CCN4: variants seen among roughly 807,000 people sequenced by gnomAD.
CCN4 encodes the protein cellular communication network factor 4, also known as CCN family member 4.
Under a neutral mutation model 36.7 loss-of-function variants are expected in CCN4, and 30 were observed. The ratio of observed to expected loss-of-function variants is 0.82; its 90% CI spans 0.61 to 1.11. The LOEUF (loss-of-function observed/expected upper bound fraction) is 1.11. CCN4 is among the 50% of genes least tolerant of loss of function. The probability of loss-of-function intolerance (pLI) is 0.00; values close to 1 mark genes in which losing one functional copy is unlikely to be tolerated. For synonymous variants in CCN4, 191 were observed against 195.4 expected, an observed-to-expected ratio of 0.98 and a Z score of 0.19; for missense variants, 505 against 504.9, an observed-to-expected ratio of 1.00 and a Z score of 0.00.
chr8:133,214,969 GA>G (rs1487526574), intron 2 of CCN4, among the ~76,000 whole-genome samples: 1 of 152,188 alleles, frequency 6.6e-6, no homozygotes, highest in Admixed American at 6.5e-5. Context: ...GTTAATTTAT[GA>G]CAGTTTCTTC....
At position 133,225,411 on chromosome 8, in the gene CCN4, C is replaced by T. The variant is rs1167320091; in HGVS notation, c.632C>T (p.Ala211Val). The change falls in exon 4 of 5, where the codon GCA becomes GTA. Residue 211 changes from alanine (A) to valine (V), a missense_variant. Physicochemically the swap from Ala to Val is moderately conservative, Grantham distance 64 (BLOSUM62 0). Coordinates refer to ENST00000250160, the MANE Select transcript of CCN4 (RefSeq NM_003882.4). ...GAFDAVGEVE[A>V]WHRNCIAYTS... ...ACAGATGCTGTGGGTGAGGTGGAGG[C>T]ATGGCACAGGAACTGCATAGCCTAC... is the stretch of plus-strand genomic sequence containing the variant. 1.2e-6 allele frequency: 2 copies of T among 1,605,056 alleles called. No homozygotes were observed. The highest frequency in any genetic ancestry group is 1.7e-6 in the Non-Finnish European group (2 of 1,174,074).
chr8:133,206,476 C>A (rs1413436572), intron 1 of CCN4, among the ~76,000 whole-genome samples: 6 of 152,208 alleles, frequency 3.9e-5, no homozygotes, highest in African/African-American at 1.4e-4. Context: ...TGAGATGCTT[C>A]CCCCACTCCT....
intron 2 of CCN4, among the ~76,000 whole-genome samples, chr8:133,216,931 T>A (rs530785842): frequency 6.6e-6 from 1 of 152,316 alleles, no homozygotes; most frequent in South Asian, 2.1e-4. Flanking sequence ...CGGCCACCTT[T>A]AGAGGAGGGA....
chr8:133,217,123 CAAAG>C (rs1854346153), intron 2 of CCN4, among the ~76,000 whole-genome samples: 1 of 152,234 alleles, frequency 6.6e-6, no homozygotes, highest in Non-Finnish European at 1.5e-5. Flanking sequence ...GAAAATGTGA[CAAAG>C]AAAGTTTATA....
Position 133,220,790 on chromosome 8 carries a change from G to A in CCN4, c.559G>A (p.Asp187Asn), listed in dbSNP as rs1384442672. 6.2e-7 allele frequency: 1 copy of A among 1,611,576 alleles called. No homozygotes were observed. Among genetic ancestry groups the A allele is most frequent in the South Asian group, 1.1e-5 (1 of 91,002 alleles). Residue 187 changes from aspartate to asparagine, a missense_variant, in exon 3 of 5, where the codon GAC becomes AAC. Transcript: ENST00000250160. ...GHCCEQWVCE[D>N]DAKRPRKTAP... ...CTGCTGTGAGCAGTGGGTATGTGAG[G>A]ACGACGCCAAGAGGCCACGCAAGAC...
At chr8:133,193,217 C>T (rs1853179599) in intron 1 of CCN4, among the ~76,000 whole-genome samples, 1 of 152,188 alleles carries the variant, frequency 6.6e-6, no homozygotes, top group South Asian at 2.1e-4. Context: ...CAACCAGGGT[C>T]TCAGTGAGAT....
In CCN4 at chr8:133,213,272, A is replaced by G. The variant is rs1384029962; in HGVS notation, c.349+129A>G. ...TTCCGTTCAGCAGGAGATACACCCC[A>G]TGATCAGAGGCCAGAGGCTGGGTCC... On this transcript the variant is annotated intron_variant, in intron 2 of 4. Coordinates refer to ENST00000250160, the MANE Select transcript of CCN4 (RefSeq NM_003882.4). 7.8e-6 allele frequency: 9 copies of G among 1,150,810 alleles called. No homozygotes were observed. In the East Asian group the frequency reaches 9.8e-5, roughly 13 times the overall value. The allele number at this position is 1,150,810 out of a possible 1,614,324, so 71.3% of individuals were successfully genotyped here.
intron 3 of CCN4, 34 bp downstream of exon 3, chr8:133,220,875 C>T (rs1480163765): frequency 6.4e-7 from 1 of 1,573,780 alleles, no homozygotes; most frequent in East Asian, 2.3e-5. Flanking sequence ...GGGGGTGGGA[C>T]CCTACAAATG....
rs1411608236 is a variant in CCN4 at position 133,231,581 on chromosome 8, A to G, written c.*3871A>G. The G allele has an allele frequency of 6.6e-6, 1 of 152,180 alleles. No individual in the cohort carries two copies. Among genetic ancestry groups the G allele is most frequent in the East Asian group, 1.9e-4 (1 of 5,186 alleles). 9.4% of individuals were successfully genotyped at this position (152,180 alleles called of 1,614,324 possible). A position where few individuals can be genotyped will look rare whatever the true frequency, so the allele number is the denominator to read the frequency against. ...GTAAGTCTTTTCCTTAAGGTAATAA[A>G]CCATCAGCAAAGTCACATACTGGAG... On this transcript the variant is annotated 3_prime_UTR_variant, in exon 5 of 5. Coordinates refer to ENST00000250160, the MANE Select transcript of CCN4 (RefSeq NM_003882.4).
In CCN4 at chr8:133,224,229, C is replaced by CTTTTTTTTTT. The variant is rs59929763; in HGVS notation, c.611-1141_611-1132dup. Reference sequence around the variant, plus strand: ...GATTTGAATTTGAAGCCCGTAAGTCCTTTTTTTTTTTTTTTTTTTTTTTTT... The same window carrying CTTTTTTTTTT: ...GATTTGAATTTGAAGCCCGTAAGTCCTTTTTTTTTTTTTTTTTTTTTTTTTTTTTTTTTTT... On this transcript the variant is annotated intron_variant, in intron 3 of 4. Transcript: ENST00000250160. Among the ~76,000 whole-genome samples, 8 of 88,494 alleles carry CTTTTTTTTTT rather than the reference C, an allele frequency of 9.0e-5. 4 individuals carry two copies. The highest frequency in any genetic ancestry group is 2.9e-4 in the Admixed American group (2 of 6,874). The allele number at this position is 88,494 out of a possible 152,430, so 58.1% of individuals were successfully genotyped here.
Position 133,196,045 on chromosome 8 carries a change from C to T in CCN4, c.69+4832C>T, listed in dbSNP as rs541471858. Among the ~76,000 whole-genome samples, 10 of 152,316 alleles carry T rather than the reference C, an allele frequency of 6.6e-5. No homozygotes were observed. The East Asian group carries it at 9.7e-4, about 15-fold the overall frequency. On this transcript the variant is annotated intron_variant, in intron 1 of 4. Transcript: ENST00000250160. ...AGCAAAGCGAGCCAGCAAGGGTCAC[C>T]GTGGAGGTTTCAAAGCAAGGCTTCA... is the stretch of plus-strand genomic sequence containing the variant.
intron 1 of CCN4, among the ~76,000 whole-genome samples, chr8:133,208,351 A>G (rs1444141934): frequency 6.6e-6 from 1 of 152,176 alleles, no homozygotes; most frequent in Non-Finnish European, 1.5e-5. Flanking sequence ...AGAGGAGAAG[A>G]CAGGCTCAGA....
At chr8:133,213,257 C>A in intron 2 of CCN4, 114 bp downstream of exon 2, 1 of 1,292,252 alleles carries the variant, frequency 7.7e-7, no homozygotes, top group Non-Finnish European at 1.1e-6. Flanking sequence ...TTCCGTTCAG[C>A]AGGAGATACA....
chr8:133,206,242 G>A (rs977023553), intron 1 of CCN4, among the ~76,000 whole-genome samples: 2 of 152,160 alleles, frequency 1.3e-5, no homozygotes, highest in African/African-American at 4.8e-5. Context: ...AACCACTCAA[G>A]GTCAACACAC....
Position 133,227,744 on chromosome 8 carries a change from C to T in CCN4, c.*34C>T. ...AAATCTTGGGTCTTGGGGACTAACCCAATGCCTGTGAAGCAGTCAGCCCTT... is the reference window on the plus strand; with the variant it reads ...AAATCTTGGGTCTTGGGGACTAACCTAATGCCTGTGAAGCAGTCAGCCCTT... On this transcript the variant is annotated 3_prime_UTR_variant, in exon 5 of 5. Coordinates refer to ENST00000250160, the MANE Select transcript of CCN4 (RefSeq NM_003882.4). 6.3e-7 allele frequency: 1 copy of T among 1,592,292 alleles called. No individual in the cohort carries two copies. The highest frequency in any genetic ancestry group is 1.7e-4 in the Middle Eastern group (1 of 5,850).
intron 3 of CCN4, among the ~76,000 whole-genome samples, chr8:133,223,970 T>C (rs1170593800): frequency 6.6e-6 from 1 of 152,202 alleles, no homozygotes; most frequent in Non-Finnish European, 1.5e-5. Flanking sequence ...TTGAGTTGGC[T>C]GACAGTCAAA....
rs1022940319 is a variant in CCN4 at position 133,229,734 on chromosome 8, T to G, written c.*2024T>G. The G allele has an allele frequency of 6.6e-6, 1 of 152,364 alleles. No individual in the cohort carries two copies. Among genetic ancestry groups the G allele is most frequent in the South Asian group, 2.1e-4 (1 of 4,822 alleles). The allele number at this position is 152,364 out of a possible 1,614,324, so 9.4% of individuals were successfully genotyped here. On this transcript the variant is annotated 3_prime_UTR_variant, in exon 5 of 5. Transcript: ENST00000250160. ...GTTCCTACTTTTATTCGAAGCTCTCTTCTTCCAAAGCTACATGAAAATAGA... is the reference window on the plus strand; with the variant it reads ...GTTCCTACTTTTATTCGAAGCTCTCGTCTTCCAAAGCTACATGAAAATAGA...
At chr8:133,217,860 G>A (rs181101579) in intron 2 of CCN4, among the ~76,000 whole-genome samples, 261 of 151,006 alleles carry the variant, frequency 1.7e-3, no homozygotes, top group African/African-American at 5.6e-3. Context: ...GGGGACTCCG[G>A]GCATCTAGCA....
chr8:133,217,935 T>TA (rs1299939964), intron 2 of CCN4, among the ~76,000 whole-genome samples: 15 of 18,816 alleles, frequency 8.0e-4, no homozygotes, highest in East Asian at 4.7e-3. Context: ...CACTCCCTTC[T>TA]CCACACACAC....
Sources: gnomAD v4.1 joint callset for allele counts (sites outside exome capture counted in the v4.1 genomes callset) on GRCh38, gnomAD v4.1.1 for gene constraint, MANE v1.5 for transcripts, NCBI Gene and HGNC (gene_info 2026-07-23, HGNC 2026-07-21) for gene names.